Variants in DAB1 observed in about 807,000 individuals in gnomAD.
DAB1 encodes disabled homolog 1.
DAB1 carries 15 observed loss-of-function variants against 64.6 expected under a neutral mutation model. The observed-to-expected ratio is 0.23, with a 90% CI of 0.16 to 0.36. DAB1 has a LOEUF of 0.36. DAB1 is among the 10% of genes least tolerant of loss of function. DAB1 has a pLI of 1.00. For synonymous variants in DAB1, 235 were observed against 251.9 expected, an observed-to-expected ratio of 0.93 and a Z score of 0.64; for missense variants, 596 against 706.7, an observed-to-expected ratio of 0.84 and a Z score of 1.78.
intron 1 of DAB1, among the ~76,000 whole-genome samples, chr1:57,861,558 C>A (rs1046487275): frequency 3.3e-5 from 5 of 152,104 alleles, no homozygotes; most frequent in Non-Finnish European, 7.4e-5. Context: ...CCATTGCCAA[C>A]CTGCATTCAA....
chr1:58,244,336 T>C (rs1478639892), intron 4 of DAB1, among the ~76,000 whole-genome samples: 2 of 152,198 alleles, frequency 1.3e-5, no homozygotes, highest in East Asian at 1.9e-4. Flanking sequence ...CAGAATCTTA[T>C]ATAACCAAGT....
At chr1:57,713,329 C>A (rs1315677922) in intron 6 of DAB1, among the ~76,000 whole-genome samples, 1 of 152,042 alleles carries the variant, frequency 6.6e-6, no homozygotes, top group Non-Finnish European at 1.5e-5. Flanking sequence ...ACCTTGGGGA[C>A]CCTCTGCAAA....
chr1:57,746,134 C>A (rs903068722), intron 6 of DAB1, among the ~76,000 whole-genome samples: 1 of 152,066 alleles, frequency 6.6e-6, no homozygotes, highest in Non-Finnish European at 1.5e-5. Context: ...AATAGGACTG[C>A]AATAAATTTT....
intron 3 of DAB1, among the ~76,000 whole-genome samples, chr1:58,424,580 C>T (rs748325017): frequency 1.3e-5 from 2 of 152,110 alleles, no homozygotes; most frequent in Admixed American, 1.3e-4. Flanking sequence ...AAATATCTTT[C>T]GAGGAAAACC....
chr1:57,013,163 G>A (rs1435784763), intron 12 of DAB1, among the ~76,000 whole-genome samples: 1 of 152,210 alleles, frequency 6.6e-6, no homozygotes, highest in Non-Finnish European at 1.5e-5. Flanking sequence ...CCATAGTGCC[G>A]AGGTTGCCAA....
intron 4 of DAB1, among the ~76,000 whole-genome samples, chr1:58,180,728 T>C (rs1176340521): frequency 2.6e-5 from 4 of 152,232 alleles, no homozygotes; most frequent in Non-Finnish European, 5.9e-5. Context: ...ATTTATTAAC[T>C]CACAGTTTAT....
rs1645064307 is a variant in DAB1 at position 57,562,476 on chromosome 1, T to TTGACAGAA, written n.625+87108_625+87115dup. On this transcript the variant is annotated intron_variant and non_coding_transcript_variant, in intron 7 of 20. Coordinates refer to the DAB1 transcript ENST00000485760. Reference sequence around the variant, plus strand: ...TCCCCATCATCTCAAAGCAGTTGGATTGACAGAATGGCAGAATGGCCTTTT... The same window carrying TTGACAGAA: ...TCCCCATCATCTCAAAGCAGTTGGATTGACAGAATGACAGAATGGCAGAATGGCCTTTT... Among the ~76,000 whole-genome samples, 3 of 152,240 alleles carry TTGACAGAA rather than the reference T, an allele frequency of 2.0e-5. No individual in the cohort carries two copies. In the South Asian group the frequency reaches 6.2e-4, roughly 31 times the overall value.
chr1:57,941,519 T>C (rs555931997), intron 5 of DAB1, among the ~76,000 whole-genome samples: 1 of 152,328 alleles, frequency 6.6e-6, no homozygotes, highest in East Asian at 1.9e-4. Flanking sequence ...TTTACTATTG[T>C]TGTCATTGTT....
chr1:57,345,552 A>C (rs575662107), intron 1 of DAB1, among the ~76,000 whole-genome samples: 6 of 151,770 alleles, frequency 4.0e-5, no homozygotes, highest in African/African-American at 1.4e-4. Context: ...CACCTAAATC[A>C]TAAGAACTTT....
chr1:57,402,826 A>T (rs1317742186), intron 1 of DAB1, among the ~76,000 whole-genome samples: 1 of 152,168 alleles, frequency 6.6e-6, no homozygotes, highest in Admixed American at 6.5e-5. Flanking sequence ...TGAAAGATGC[A>T]TCCCAGGACC....
rs142099927 is a variant in DAB1, at chr1:57,301,577, G to A, written c.-136-10411C>T. Among the ~76,000 whole-genome samples, 80 of 152,222 alleles carry A rather than the reference G, an allele frequency of 5.3e-4. 1 individual carries two copies. The highest frequency in any genetic ancestry group is 3.4e-3 in the Middle Eastern group (1 of 294). ...TTTAACATGGGCCTCCCTGTGAAAGGGATTTTAAATAAACAAACGCCGCAT... is the reference window on the plus strand; with the variant it reads ...TTTAACATGGGCCTCCCTGTGAAAGAGATTTTAAATAAACAAACGCCGCAT... On this transcript the variant is annotated intron_variant, in intron 1 of 14. Transcript: ENST00000371236.
chr1:57,913,344 A>G lies in DAB1; in HGVS notation n.388-29182T>C, dbSNP rs186577056. Among the ~76,000 whole-genome samples the G allele has an allele frequency of 4.4e-3, 677 of 152,332 alleles. 4 individuals carry two copies. Among genetic ancestry groups the G allele is most frequent in the African/African-American group, 0.016 (653 of 41,568 alleles). On this transcript the variant is annotated intron_variant and non_coding_transcript_variant, in intron 5 of 20. Coordinates refer to the DAB1 transcript ENST00000485760. ...CCCTGACAAAAACAAGAAATGGGGA[A>G]AGGATTCCCTATTTAATAAATGGTG...
chr1:57,637,805 C>A (rs1646075280), intron 7 of DAB1, among the ~76,000 whole-genome samples: 1 of 152,116 alleles, frequency 6.6e-6, no homozygotes, highest in Non-Finnish European at 1.5e-5. Flanking sequence ...GGTAGAATAT[C>A]TCTGTGTTAT....
At chr1:58,087,721 TA>T (rs1176452404) in intron 5 of DAB1, among the ~76,000 whole-genome samples, 1 of 137,616 alleles carries the variant, frequency 7.3e-6, no homozygotes, top group East Asian at 2.5e-4. Context: ...AATAAAAAGT[TA>T]GATGGGAAAA....
chr1:58,168,021 C>T (rs533893922), intron 4 of DAB1, among the ~76,000 whole-genome samples: 2 of 152,194 alleles, frequency 1.3e-5, no homozygotes, highest in African/African-American at 4.8e-5. Flanking sequence ...ATGGGACTAT[C>T]GACTATCGCC....
intron 3 of DAB1, among the ~76,000 whole-genome samples, chr1:58,474,505 T>C (rs1275965252): frequency 6.6e-6 from 1 of 152,150 alleles, no homozygotes; most frequent in Non-Finnish European, 1.5e-5. Flanking sequence ...CCCATGTGAC[T>C]TTGGGTACCT....
chr1:58,325,282 A>G (rs1662795870), intron 4 of DAB1, among the ~76,000 whole-genome samples: 1 of 152,210 alleles, frequency 6.6e-6, no homozygotes, highest in Non-Finnish European at 1.5e-5. Context: ...TTTGACTTTT[A>G]TCATTTTTTA....
intron 6 of DAB1, among the ~76,000 whole-genome samples, chr1:57,747,037 AT>A (rs1648309145): frequency 6.6e-6 from 1 of 152,004 alleles, no homozygotes. Flanking sequence ...TTCATTTTCT[AT>A]TTTGAAGTAG....
chr1:57,687,331 A>T (rs2101707457), intron 6 of DAB1, among the ~76,000 whole-genome samples: 1 of 152,252 alleles, frequency 6.6e-6, no homozygotes, highest in South Asian at 2.1e-4. Context: ...ACAACTAACC[A>T]AGGAGGTGAA....
Sources: gnomAD v4.1 joint callset for allele counts (sites outside exome capture counted in the v4.1 genomes callset) on GRCh38, gnomAD v4.1.1 for gene constraint, MANE v1.5 for transcripts, NCBI Gene and HGNC (gene_info 2026-07-23, HGNC 2026-07-21) for gene names.